Variants in ANKH observed in about 807,000 individuals in gnomAD.
ANKH encodes the protein mineralization regulator ANKH.
ANKH carries 15 observed loss-of-function variants against 49.0 expected under a neutral mutation model. The observed-to-expected ratio is 0.31, with a 90% CI of 0.20 to 0.47. The LOEUF is 0.47. Among genes scored for constraint, ANKH ranks in the 20% least tolerant of loss-of-function variants. The pLI is 1.00. For missense variants in ANKH, 429 were observed against 652.0 expected, an observed-to-expected ratio of 0.66 and a Z score of 3.72; for synonymous variants, 273 against 260.0, an observed-to-expected ratio of 1.05 and a Z score of -0.48.
At chr5:14,819,898 T>TACACACACAC (rs1188887631) in intron 1 of ANKH, among the ~76,000 whole-genome samples, 80 of 87,132 alleles carry the variant, frequency 9.2e-4, no homozygotes, top group African/African-American at 3.8e-3. Flanking sequence ...ACAACAAAAA[T>TACACACACAC]ATACACACAC....
chr5:14,718,354 A>G (rs1381731767), intron 8 of ANKH, among the ~76,000 whole-genome samples: 23 of 152,122 alleles, frequency 1.5e-4, no homozygotes, highest in Non-Finnish European at 1.3e-4. Flanking sequence ...AAGGCCTCCA[A>G]TGTGAGGAGG....
At chr5:14,785,155 A>G (rs929124826) in intron 1 of ANKH, among the ~76,000 whole-genome samples, 2 of 152,210 alleles carry the variant, frequency 1.3e-5, no homozygotes, top group African/African-American at 4.8e-5. Context: ...ATCTGTGAGA[A>G]TTCTACTCAG....
At chr5:14,848,361 G>A (rs1397264136) in intron 1 of ANKH, among the ~76,000 whole-genome samples, 4 of 152,202 alleles carry the variant, frequency 2.6e-5, no homozygotes, top group Non-Finnish European at 4.4e-5. Context: ...CACACAGACA[G>A]GGACAATGAT....
intron 1 of ANKH, among the ~76,000 whole-genome samples, chr5:14,831,227 G>A (rs868766033): frequency 2.6e-4 from 40 of 152,208 alleles, no homozygotes; most frequent in Middle Eastern, 3.4e-3. Flanking sequence ...CACAGAACCG[G>A]AATCGGACAG....
intron 1 of ANKH, among the ~76,000 whole-genome samples, chr5:14,799,375 G>GCTAAGATCA (rs1191332070): frequency 2.6e-5 from 4 of 152,204 alleles, no homozygotes; most frequent in African/African-American, 9.6e-5. Flanking sequence ...AATGAAGGTG[G>GCTAAGATCA]CTACATTATA....
At position 14,709,774 on chromosome 5, in the gene ANKH, C is replaced by T. The variant is rs572785716; in HGVS notation, c.*1423G>A. On this transcript the variant is annotated 3_prime_UTR_variant, in exon 12 of 12. Transcript: ENST00000284268. ...AGGTACAATGTTCATTGATACAATA[C>T]GTTTCAACTGCAGGTATGTTGAGCA... The T allele has an allele frequency of 1.3e-5, 2 of 152,510 alleles. No individual in the cohort carries two copies. The highest frequency in any genetic ancestry group is 2.9e-5 in the Non-Finnish European group (2 of 68,040). 9.4% of individuals were successfully genotyped at this position (152,510 alleles called of 1,614,324 possible). A position where few individuals can be genotyped will look rare whatever the true frequency, so the allele number is the denominator to read the frequency against.
At chr5:14,857,493 T>TA (rs553457062) in intron 1 of ANKH, among the ~76,000 whole-genome samples, 121 of 151,608 alleles carry the variant, frequency 8.0e-4, no homozygotes, top group African/African-American at 2.6e-3. Flanking sequence ...CATCTCTACT[T>TA]AAAAAAATAC....
intron 1 of ANKH, among the ~76,000 whole-genome samples, chr5:14,816,636 T>G (rs1741047295): frequency 6.6e-6 from 1 of 152,172 alleles, no homozygotes; most frequent in South Asian, 2.1e-4. Context: ...CATCAATATT[T>G]TCAGGAGGCC....
At chr5:14,792,200 G>T (rs1740191340) in intron 1 of ANKH, among the ~76,000 whole-genome samples, 1 of 152,152 alleles carries the variant, frequency 6.6e-6, no homozygotes, top group South Asian at 2.1e-4. Context: ...TAGGTCAGGT[G>T]TCTAGAGTCG....
chr5:14,775,955 T>C (rs1263353135), intron 1 of ANKH, among the ~76,000 whole-genome samples: 1 of 152,148 alleles, frequency 6.6e-6, no homozygotes, highest in African/African-American at 2.4e-5. Context: ...AGGTGCGGCT[T>C]GGCCGAGGGT....
chr5:14,855,018 T>C (rs570044396), intron 1 of ANKH, among the ~76,000 whole-genome samples: 1 of 152,332 alleles, frequency 6.6e-6, no homozygotes, highest in South Asian at 2.1e-4. Context: ...CCTGAATGAC[T>C]GGGCCCTTCC....
At chr5:14,781,695 A>G (rs76586462) in intron 1 of ANKH, among the ~76,000 whole-genome samples, 1 of 152,172 alleles carries the variant, frequency 6.6e-6, no homozygotes, top group Non-Finnish European at 1.5e-5. Flanking sequence ...CCTCAATTCA[A>G]GATGGTAGAA....
intron 1 of ANKH, among the ~76,000 whole-genome samples, chr5:14,858,911 AACT>A (rs1439765882): frequency 1.3e-5 from 2 of 151,910 alleles, no homozygotes; most frequent in Non-Finnish European, 2.9e-5. Context: ...TGGTATCTGT[AACT>A]ACAATACAAT....
intron 3 of ANKH, among the ~76,000 whole-genome samples, chr5:14,757,576 A>C (rs1431140878): frequency 1.3e-5 from 2 of 151,858 alleles, no homozygotes; most frequent in African/African-American, 4.8e-5. Flanking sequence ...GAAGTTGGTT[A>C]TTAAAATAAT....
At chr5:14,775,002 G>A (rs9312872) in intron 1 of ANKH, among the ~76,000 whole-genome samples, 21,846 of 151,818 alleles carry the variant, frequency 0.14, 1,965 homozygotes, top group East Asian at 0.43. Flanking sequence ...ACCTCGGATA[G>A]TACCCAACTC....
chr5:14,865,939 CA>C (rs1257812434), intron 1 of ANKH, among the ~76,000 whole-genome samples: 1 of 152,206 alleles, frequency 6.6e-6, no homozygotes, highest in African/African-American at 2.4e-5. Flanking sequence ...AATTCATGTG[CA>C]AAACTCTCCA....
chr5:14,717,269 C>T (rs1006981697), intron 8 of ANKH, among the ~76,000 whole-genome samples: 5 of 152,150 alleles, frequency 3.3e-5, no homozygotes, highest in South Asian at 2.1e-4. Flanking sequence ...TACAGAACCA[C>T]GCAGAATCAG....
At position 14,797,745 on chromosome 5, in the gene ANKH, G is replaced by A. The variant is rs1217233896; in HGVS notation, c.97-28554C>T. 6.2e-6 allele frequency: 10 copies of A among 1,610,268 alleles called. No individual in the cohort carries two copies. In the East Asian group the frequency reaches 8.9e-5, roughly 14 times the overall value. On this transcript the variant is annotated intron_variant, in intron 1 of 11. Coordinates refer to ENST00000284268, the MANE Select transcript of ANKH (RefSeq NM_054027.6). ...CGTATGCCCTGTAAAGATGGTCTTC[G>A]CATCTACCACTTTTCCCTCCTTTGG... is the stretch of plus-strand genomic sequence containing the variant.
chr5:14,869,621 CTT>C (rs1735758132), intron 1 of ANKH: 1 of 152,232 alleles, frequency 6.6e-6, no homozygotes, highest in Admixed American at 6.5e-5. Flanking sequence ...ATAGTTGTCT[CTT>C]ATGTTTAACC....
Sources: allele counts gnomAD v4.1 joint callset (sites outside exome capture counted in the v4.1 genomes callset), GRCh38; gene constraint gnomAD v4.1.1; transcripts MANE v1.5; gene names NCBI Gene and HGNC (gene_info 2026-07-23, HGNC 2026-07-21).